The following NLGN4Y variants were observed in gnomAD, a reference collection of about 807,000 sequenced individuals.
NLGN4Y encodes the protein neuroligin 4 Y-linked, also known as neuroligin-4, Y-linked.
NLGN4Y carries 4 observed loss-of-function variants against 8.4 expected under a neutral mutation model. The observed-to-expected ratio is 0.48, with a 90% CI of 0.23 to 1.09. The LOEUF (loss-of-function observed/expected upper bound fraction) is 1.09, where lower values mean the gene tolerates loss of function less well. Ranked by LOEUF, NLGN4Y falls within the 50% of genes least tolerant of loss-of-function variation. NLGN4Y has a pLI of 0.19. For synonymous variants in NLGN4Y, 35 were observed against 75.6 expected (o/e 0.46, Z 2.78); for missense variants, 90 against 192.3 (o/e 0.47, Z 3.15).
intron 4 of NLGN4Y, among the ~76,000 whole-genome samples, chrY:14,817,390 C>T (rs536522931): frequency 0.026 from 861 of 33,244 alleles, no homozygotes; most frequent in Middle Eastern, 0.19. Context: ...TCCCAAGGAA[C>T]GTCTGCAACT....
chrY:14,743,182 G>A (rs917165790), intron 4 of NLGN4Y, among the ~76,000 whole-genome samples: 1 of 32,724 alleles, frequency 3.1e-5, no homozygotes, highest in Non-Finnish European at 7.5e-5. Flanking sequence ...CTTCTACTTC[G>A]GTTTCATGTT....
At position 14,622,127 on chromosome Y, in the gene NLGN4Y, G is replaced by A. The variant is rs377144726; in HGVS notation, c.8G>A (p.Arg3His). 1.3e-4 allele frequency: 52 copies of A among 393,715 alleles called. No homozygotes were observed. The highest frequency in any genetic ancestry group is 1.6e-4 in the Non-Finnish European group (44 of 280,227). The change falls in exon 2 of 7, where the codon CGT becomes CAT. Residue 3 changes from arginine to histidine, a missense_variant. Coordinates refer to ENST00000684976, the MANE Select transcript of NLGN4Y (RefSeq NM_001365588.1). ...TGGATGCAGATTTGAACCATGTTGC[G>A]TCCCCAGGGACTGCTATGGCTCCCT... ML[R>H]PQGLLWLPLL...
chrY:14,841,317 G>A lies in NLGN4Y; in HGVS notation c.*55G>A. The A allele has an allele frequency of 2.6e-6, 1 of 381,106 alleles. No homozygotes were observed. Among genetic ancestry groups the A allele is most frequent in the South Asian group, 3.0e-5 (1 of 32,793 alleles). ...GCCCCTACTGCTCAGCAATGTAAAA[G>A]AGACAAATAAGGAGAAAGAAAATCT... On this transcript the variant is annotated 3_prime_UTR_variant, in exon 7 of 7. Transcript: ENST00000684976.
At position 14,791,973 on chromosome Y, in the gene NLGN4Y, G is replaced by GA. The variant is rs756279104; in HGVS notation, c.686-32208dup. Among the ~76,000 whole-genome samples, 4 of 33,299 alleles carry GA rather than the reference G, an allele frequency of 1.2e-4. No individual in the cohort carries two copies. In the East Asian group the frequency reaches 2.4e-3, roughly 20 times the overall value. 89.3% of individuals were successfully genotyped at this position (33,299 alleles called of 37,273 possible). A position where few individuals can be genotyped will look rare whatever the true frequency, so the allele number is the denominator to read the frequency against. On this transcript the variant is annotated intron_variant, in intron 4 of 6. Coordinates refer to ENST00000684976, the MANE Select transcript of NLGN4Y (RefSeq NM_001365588.1). The stretch of plus-strand genomic sequence containing the variant: ...AGAAACTCTCCAATATATTTTTTGG[G>GA]AAAAAAAGATGCAACCATTTGAGAG...
At chrY:14,552,221 A>G in intron 1 of NLGN4Y, among the ~76,000 whole-genome samples, 1 of 33,866 alleles carries the variant, frequency 3.0e-5, no homozygotes, top group Non-Finnish European at 7.3e-5. Flanking sequence ...CCCAGGACTA[A>G]ACCAGGAAGA....
intron 4 of NLGN4Y, among the ~76,000 whole-genome samples, chrY:14,812,584 A>G (rs1006475524): frequency 3.1e-5 from 1 of 32,643 alleles, no homozygotes; most frequent in African/African-American, 1.2e-4. Context: ...GTTTTAGACA[A>G]TCAAGGGGGT....
At chrY:14,652,930 G>A in intron 2 of NLGN4Y, among the ~76,000 whole-genome samples, 1 of 32,325 alleles carries the variant, frequency 3.1e-5, no homozygotes, top group African/African-American at 1.2e-4. Flanking sequence ...TGTTTATATT[G>A]TATCATAAAA....
In NLGN4Y at chrY:14,599,351, G is replaced by T. The variant is rs780015153; in HGVS notation, c.-111-22658G>T. On this transcript the variant is annotated intron_variant, in intron 1 of 6. Transcript: ENST00000684976. ...GAGTTCCAAAGCTGAAGAATTTGGA[G>T]TCTGATGTTCCAGGGCAGGAAGAAT... 9.6e-5 allele frequency among the ~76,000 whole-genome samples: 3 copies of T among 31,091 alleles called. No individual in the cohort carries two copies. In the South Asian group the frequency reaches 2.3e-3, roughly 23 times the overall value. 83.4% of individuals were successfully genotyped at this position (31,091 alleles called of 37,273 possible).
intron 1 of NLGN4Y, among the ~76,000 whole-genome samples, chrY:14,566,561 A>G (rs2080252578): frequency 3.0e-5 from 1 of 33,377 alleles, no homozygotes; most frequent in East Asian, 7.9e-4. Flanking sequence ...GCACTCCCAC[A>G]CAATAATAGT....
intron 4 of NLGN4Y, among the ~76,000 whole-genome samples, chrY:14,770,318 G>A: frequency 9.1e-5 from 3 of 33,058 alleles, no homozygotes; most frequent in Non-Finnish European, 2.2e-4. Flanking sequence ...CTGGCATCTG[G>A]TGGTTGCCCC....
chrY:14,760,124 A>G (rs2150570087), intron 4 of NLGN4Y, among the ~76,000 whole-genome samples: 1 of 33,515 alleles, frequency 3.0e-5, no homozygotes, highest in Admixed American at 2.8e-4. Context: ...ATGTTGATTT[A>G]TCTACTGATC....
intron 1 of NLGN4Y, among the ~76,000 whole-genome samples, chrY:14,584,646 C>T: frequency 2.7e-4 from 9 of 33,487 alleles, no homozygotes; most frequent in Admixed American, 2.2e-3. Context: ...GCCAAGGATT[C>T]TCAGTGTTGC....
chrY:14,542,696 G>A, intron 1 of NLGN4Y, among the ~76,000 whole-genome samples: 2 of 33,000 alleles, frequency 6.1e-5, no homozygotes, highest in South Asian at 1.4e-3. Context: ...ATGTATTGCG[G>A]CACTATTCAC....
At chrY:14,766,946 A>G in intron 4 of NLGN4Y, among the ~76,000 whole-genome samples, 2 of 33,054 alleles carry the variant, frequency 6.1e-5, no homozygotes, top group African/African-American at 2.3e-4. Context: ...AAATTTCCCT[A>G]TCAGCGTTTC....
intron 1 of NLGN4Y, among the ~76,000 whole-genome samples, chrY:14,592,860 A>G: frequency 3.0e-5 from 1 of 33,233 alleles, no homozygotes; most frequent in East Asian, 8.0e-4. Context: ...ACAGCATTTC[A>G]TATGGACTGA....
At chrY:14,691,643 G>T (rs2080810048) in intron 2 of NLGN4Y, among the ~76,000 whole-genome samples, 2 of 33,295 alleles carry the variant, frequency 6.0e-5, no homozygotes, top group African/African-American at 1.2e-4. Context: ...GTGTGTGTGT[G>T]CATGTATGTG....
chrY:14,676,597 T>A (rs2080750070), intron 2 of NLGN4Y, among the ~76,000 whole-genome samples: 1 of 33,695 alleles, frequency 3.0e-5, no homozygotes, highest in Non-Finnish European at 7.4e-5. Flanking sequence ...ATTCATTGCA[T>A]CTTCTTATCT....
chrY:14,667,960 G>A (rs2080698256), intron 2 of NLGN4Y, among the ~76,000 whole-genome samples: 1 of 33,107 alleles, frequency 3.0e-5, no homozygotes, highest in Non-Finnish European at 7.5e-5. Context: ...AGATCATTCA[G>A]GTCCCTGTTG....
intron 1 of NLGN4Y, among the ~76,000 whole-genome samples, chrY:14,603,961 G>A: frequency 3.0e-5 from 1 of 32,797 alleles, no homozygotes; most frequent in Non-Finnish European, 7.5e-5. Context: ...CCCACTATGT[G>A]CCCTTACTAA....
Sources: allele counts gnomAD v4.1 joint callset (sites outside exome capture counted in the v4.1 genomes callset), GRCh38; gene constraint gnomAD v4.1.1; transcripts MANE v1.5; gene names NCBI Gene and HGNC (gene_info 2026-07-23, HGNC 2026-07-21).